Variants in IL34 observed in about 807,000 individuals in gnomAD.
The protein encoded by IL34 is interleukin 34.
Under a neutral mutation model 25.3 loss-of-function variants are expected in IL34, and 17 were observed. That is an observed-to-expected ratio of 0.67 (90% confidence interval 0.46 to 1.01). The LOEUF (loss-of-function observed/expected upper bound fraction) is 1.01. Among genes scored for constraint, IL34 ranks in the 50% least tolerant of loss-of-function variants. IL34 has a pLI of 0.00. For synonymous variants in IL34, 174 were observed against 140.9 expected (o/e 1.23, Z -1.66); for missense variants, 368 against 312.9 (o/e 1.18, Z -1.33).
At position 70,602,584 on chromosome 16, in the gene IL34, TGTGTG is replaced by T. The variant is rs1390747176; in HGVS notation, c.-401+22536_-401+22540del. On this transcript the variant is annotated intron_variant, in intron 1 of 6. Coordinates refer to the IL34 transcript ENST00000429149. Reference sequence around the variant, plus strand: ...TGAGAATTCCTAGCTTTGGAATTGATGTGTGTGTGTGTGTGTGTGTGTGTGTGTGT... The same window carrying T: ...TGAGAATTCCTAGCTTTGGAATTGATTGTGTGTGTGTGTGTGTGTGTGTGT... 5.8e-4 allele frequency among the ~76,000 whole-genome samples: 16 copies of T among 27,404 alleles called. No homozygotes were observed. In the East Asian group the frequency reaches 0.015, roughly 26 times the overall value. The allele number at this position is 27,404 out of a possible 152,430, so 18.0% of individuals were successfully genotyped here.
At chr16:70,604,370 A>G (rs1042770276) in intron 1 of IL34, among the ~76,000 whole-genome samples, 3 of 152,172 alleles carry the variant, frequency 2.0e-5, no homozygotes, top group East Asian at 1.9e-4. Flanking sequence ...GCCCCATCGA[A>G]TTTGAGGAGG....
At chr16:70,589,121 C>T (rs1478888918) in intron 1 of IL34, among the ~76,000 whole-genome samples, 2 of 151,804 alleles carry the variant, frequency 1.3e-5, no homozygotes, top group African/African-American at 4.8e-5. Flanking sequence ...CGCTTGAACC[C>T]GGGAGGTGGA....
At chr16:70,657,413 C>CT (rs1314926751) in intron 4 of IL34, 4 of 342,722 alleles carry the variant, frequency 1.2e-5, no homozygotes, top group Admixed American at 8.9e-5. Flanking sequence ...ATCGTACCCT[C>CT]TTTGTTTCTG....
At chr16:70,615,282 G>A (rs1212602127) in intron 1 of IL34, among the ~76,000 whole-genome samples, 2 of 152,304 alleles carry the variant, frequency 1.3e-5, no homozygotes, top group East Asian at 3.9e-4. Context: ...GCCGAGGTGG[G>A]TGGATCAAGA....
chr16:70,596,010 CAAAA>C (rs201758396), intron 1 of IL34, among the ~76,000 whole-genome samples: 1 of 94,984 alleles, frequency 1.1e-5, no homozygotes, highest in African/African-American at 3.2e-5. Flanking sequence ...GACCCCGTCT[CAAAA>C]AAAAAAAAAA....
At chr16:70,644,791 AGGAG>A (rs2051871293), upstream of IL34, among the ~76,000 whole-genome samples, 1 of 133,938 alleles carries the variant, frequency 7.5e-6, no homozygotes, top group Non-Finnish European at 1.6e-5. Flanking sequence ...GAGGAAAAGG[AGGAG>A]GGAGGAGGAA....
intron 1 of IL34, among the ~76,000 whole-genome samples, chr16:70,620,933 G>A (rs1280564510): frequency 2.6e-5 from 4 of 152,132 alleles, no homozygotes; most frequent in African/African-American, 7.2e-5. Context: ...TAGTGAAGGA[G>A]GCAAGCCCAG....
chr16:70,631,150 T>C (rs1348428337), intron 1 of IL34, among the ~76,000 whole-genome samples: 1 of 152,240 alleles, frequency 6.6e-6, no homozygotes, highest in Non-Finnish European at 1.5e-5. Flanking sequence ...TATTGAACCA[T>C]CCTTGCACTC....
chr16:70,624,769 A>T (rs2051354788), intron 1 of IL34, among the ~76,000 whole-genome samples: 1 of 151,958 alleles, frequency 6.6e-6, no homozygotes, highest in Non-Finnish European at 1.5e-5. Flanking sequence ...GGAGGTGATA[A>T]AAGGATTATA....
At chr16:70,627,307 A>G (rs549733926) in intron 1 of IL34, among the ~76,000 whole-genome samples, 9 of 152,158 alleles carry the variant, frequency 5.9e-5, no homozygotes. Flanking sequence ...TTGGAAGTAT[A>G]CAGCTTGATG....
At chr16:70,609,650 G>A (rs2051062280) in intron 1 of IL34, among the ~76,000 whole-genome samples, 1 of 152,214 alleles carries the variant, frequency 6.6e-6, no homozygotes, top group South Asian at 2.1e-4. Flanking sequence ...CACTGAGGCA[G>A]AGACTGTCTG....
rs1331998960 is a variant in IL34, at chr16:70,646,734, C to T, written c.-214C>T. 4.0e-6 allele frequency: 2 copies of T among 496,300 alleles called. No individual in the cohort carries two copies. The highest frequency in any genetic ancestry group is 2.0e-5 in the African/African-American group (1 of 49,228). The allele number at this position is 496,300 out of a possible 1,614,324, so 30.7% of individuals were successfully genotyped here. A position where few individuals can be genotyped will look rare whatever the true frequency, so the allele number is the denominator to read the frequency against. On this transcript the variant is annotated 5_prime_UTR_variant, in exon 1 of 6. Transcript: ENST00000288098. ...CCATGGGACTTGCGGCCACCGCCCC[C>T]CGGCTGTCCTCCACGCTGCCGGGCA... is the stretch of plus-strand genomic sequence containing the variant.
At chr16:70,651,849 G>A (rs140846956) in intron 1 of IL34, among the ~76,000 whole-genome samples, 1 of 152,296 alleles carries the variant, frequency 6.6e-6, no homozygotes, top group East Asian at 1.9e-4. Flanking sequence ...GTCCTGGGTG[G>A]GTGCGGTGGC....
At chr16:70,590,712 G>T (rs538462609) in intron 1 of IL34, among the ~76,000 whole-genome samples, 7 of 152,284 alleles carry the variant, frequency 4.6e-5, no homozygotes, top group African/African-American at 1.4e-4. Flanking sequence ...AGGCTCAGAG[G>T]TTAAGTCACC....
chr16:70,655,772 G>T (rs2052203123), intron 2 of IL34, among the ~76,000 whole-genome samples: 1 of 151,682 alleles, frequency 6.6e-6, no homozygotes, highest in Admixed American at 6.6e-5. Flanking sequence ...GTAGTGGCGG[G>T]ATCATAGCTC....
At chr16:70,625,866 C>T (rs1218168391) in intron 1 of IL34, among the ~76,000 whole-genome samples, 1 of 152,288 alleles carries the variant, frequency 6.6e-6, no homozygotes, top group African/African-American at 2.4e-5. Context: ...TGGCCACTTA[C>T]CGGATTTGAA....
chr16:70,625,448 G>A lies in IL34; in HGVS notation c.-400-21100G>A, dbSNP rs1053886438. Among the ~76,000 whole-genome samples, 20 of 152,248 alleles carry A rather than the reference G, an allele frequency of 1.3e-4. No individual in the cohort carries two copies. In the East Asian group the frequency reaches 2.1e-3, roughly 16 times the overall value. On this transcript the variant is annotated intron_variant, in intron 1 of 6. Transcript: ENST00000429149. ...AAAAGCGGGACTTGCCGCTAAGGGC[G>A]AAGGAGAAGGGGTTGAGGGGTACTT...
At chr16:70,605,612 C>T (rs763739928) in intron 1 of IL34, among the ~76,000 whole-genome samples, 3 of 152,146 alleles carry the variant, frequency 2.0e-5, no homozygotes, top group Non-Finnish European at 4.4e-5. Flanking sequence ...AAGAAAACAG[C>T]TTATTGAAGT....
At chr16:70,606,959 A>C (rs1323016930) in intron 1 of IL34, among the ~76,000 whole-genome samples, 1 of 152,140 alleles carries the variant, frequency 6.6e-6, no homozygotes, top group Non-Finnish European at 1.5e-5. Flanking sequence ...TCATCTGCTG[A>C]TGGACATTTA....
Sources: allele counts gnomAD v4.1 joint callset (sites outside exome capture counted in the v4.1 genomes callset), GRCh38; gene constraint gnomAD v4.1.1; transcripts MANE v1.5; gene names NCBI Gene and HGNC (gene_info 2026-07-23, HGNC 2026-07-21).